The following KIF25 variants were observed in gnomAD, a reference collection of about 807,000 sequenced individuals.
KIF25 encodes the protein kinesin-like protein KIF25.
In KIF25, 19 loss-of-function variants were observed where a neutral mutation model predicts 32.9. That is an observed-to-expected ratio of 0.58 (90% confidence interval 0.40 to 0.85). The LOEUF (loss-of-function observed/expected upper bound fraction) is 0.85. Among genes scored for constraint, KIF25 ranks in the 40% least tolerant of loss-of-function variants. The probability of loss-of-function intolerance (pLI) is 0.00; values close to 1 mark genes in which losing one functional copy is unlikely to be tolerated. For synonymous variants in KIF25, 225 were observed against 213.7 expected, an observed-to-expected ratio of 1.05 and a Z score of -0.46; for missense variants, 485 against 507.0, an observed-to-expected ratio of 0.96 and a Z score of 0.42.
Position 168,027,934 on chromosome 6 carries a change from A to T in KIF25, c.-94-1558A>T, listed in dbSNP as rs1798886870. On this transcript the variant is annotated intron_variant, in intron 5 of 12. Coordinates refer to ENST00000643607, the MANE Select transcript of KIF25 (RefSeq NM_030615.4). ...GAACAGAAATATTTAAGCCGCCGCT[A>T]CTTTCTCAGTCTGTCGTTTGCTTCT... Among the ~76,000 whole-genome samples the T allele has an allele frequency of 2.0e-5, 3 of 152,096 alleles. No individual in the cohort carries two copies. The South Asian group carries it at 6.2e-4, about 32-fold the overall frequency.
intron 5 of KIF25, among the ~76,000 whole-genome samples, chr6:168,022,370 A>T (rs1798798196): frequency 6.6e-6 from 1 of 152,126 alleles, no homozygotes; most frequent in African/African-American, 2.4e-5. Context: ...TACCCTTTTA[A>T]AAATAGTCTT....
Position 168,044,982 on chromosome 6 carries a change from A to T in KIF25, c.1141A>T (p.Arg381Trp), listed in dbSNP as rs767932836. ...KPPSSQTEGK[R>W]RPD ...GCCCAGCTCCCAAACGGAGGGGAAG[A>T]GGAGGCCGGATTGAATGCATTAACA... is the stretch of plus-strand genomic sequence containing the variant. Residue 381 changes from arginine (R) to tryptophan (W), a missense_variant, in exon 13 of 13, where the codon AGG becomes TGG. Coordinates refer to ENST00000643607, the MANE Select transcript of KIF25 (RefSeq NM_030615.4). 6.3e-7 allele frequency: 1 copy of T among 1,597,254 alleles called. No individual in the cohort carries two copies. Among genetic ancestry groups the T allele is most frequent in the South Asian group, 1.1e-5 (1 of 88,972 alleles).
intron 4 of KIF25, among the ~76,000 whole-genome samples, chr6:168,014,001 A>ATATATG (rs1491568264): frequency 6.4e-5 from 4 of 62,850 alleles, no homozygotes; most frequent in Admixed American, 5.2e-4. Context: ...CACCATGCAA[A>ATATATG]TATATATATA....
chr6:168,040,013 A>T, intron 9 of KIF25, 52 bp from the exon 10 acceptor site: 1 of 1,554,456 alleles, frequency 6.4e-7, no homozygotes. Flanking sequence ...AAGTCGCCTT[A>T]GGTAAGGGGG....
At chr6:168,043,281 G>A (rs1004101186) in intron 12 of KIF25, among the ~76,000 whole-genome samples, 4 of 152,204 alleles carry the variant, frequency 2.6e-5, no homozygotes, top group African/African-American at 9.6e-5. Flanking sequence ...GAGGACCCGA[G>A]GAAGCATTGC....
intron 9 of KIF25, 145 bp from the exon 10 acceptor site, chr6:168,039,920 T>C: frequency 3.9e-6 from 4 of 1,020,732 alleles, no homozygotes; most frequent in Non-Finnish European, 5.5e-6. Flanking sequence ...TTTACCATGA[T>C]TTATTGTGCC....
intron 5 of KIF25, among the ~76,000 whole-genome samples, chr6:168,023,728 T>C (rs186040454): frequency 1.3e-5 from 2 of 152,348 alleles, no homozygotes; most frequent in African/African-American, 4.8e-5. Flanking sequence ...CCCTTCAACG[T>C]CAGCAGCATA....
intron 8 of KIF25, among the ~76,000 whole-genome samples, chr6:168,037,395 T>TCCCG (rs1294242730): frequency 6.6e-6 from 1 of 152,170 alleles, no homozygotes; most frequent in African/African-American, 2.4e-5. Context: ...ACTGAGGACT[T>TCCCG]CCCGCCCGGT....
intron 5 of KIF25, among the ~76,000 whole-genome samples, chr6:168,019,009 G>A (rs1418989005): frequency 7.2e-5 from 11 of 152,224 alleles, no homozygotes; most frequent in East Asian, 1.9e-4. Context: ...GAGTGCTCCC[G>A]CCGGGGCAGA....
At chr6:168,008,383 A>C (rs1562381005) in intron 4 of KIF25, among the ~76,000 whole-genome samples, 2 of 152,144 alleles carry the variant, frequency 1.3e-5, no homozygotes, top group Non-Finnish European at 2.9e-5. Flanking sequence ...TCAGTTGACT[A>C]TAGATATGTT....
chr6:168,044,040 CA>C (rs1334901662), intron 12 of KIF25, among the ~76,000 whole-genome samples: 2 of 152,220 alleles, frequency 1.3e-5, no homozygotes, highest in Non-Finnish European at 2.9e-5. Flanking sequence ...CCCTCAGGGT[CA>C]TGTGCAGACT....
intron 5 of KIF25, among the ~76,000 whole-genome samples, chr6:168,021,175 A>G (rs1017218734): frequency 6.6e-6 from 1 of 152,250 alleles, no homozygotes; most frequent in Non-Finnish European, 1.5e-5. Context: ...AGATGCAGGC[A>G]GCTGACTTTA....
At chr6:168,039,959 C>A in intron 9 of KIF25, 106 bp from the exon 10 acceptor site, 1 of 1,366,684 alleles carries the variant, frequency 7.3e-7, no homozygotes, top group Non-Finnish European at 9.8e-7. Context: ...CCCACTGGCA[C>A]GCGTGGCTCA....
At chr6:168,040,017 A>G (rs1158839194) in intron 9 of KIF25, 48 bp from the exon 10 acceptor site, 1 of 1,562,576 alleles carries the variant, frequency 6.4e-7, no homozygotes, top group Admixed American at 1.8e-5. Context: ...CGCCTTAGGT[A>G]AGGGGGGCCG....
At chr6:168,019,575 T>C (rs182301009) in intron 5 of KIF25, among the ~76,000 whole-genome samples, 3 of 152,260 alleles carry the variant, frequency 2.0e-5, no homozygotes, top group South Asian at 2.1e-4. Context: ...GGAGACTCCA[T>C]AGCGAGTGGA....
intron 4 of KIF25, among the ~76,000 whole-genome samples, chr6:168,017,306 C>A (rs3807061): frequency 0.37 from 56,204 of 152,018 alleles, 10,643 homozygotes; most frequent in South Asian, 0.43. Flanking sequence ...TTCGCCACTG[C>A]AGTTGTGGTT....
chr6:168,042,120 G>C lies in KIF25; in HGVS notation c.798G>C (p.Gln266His). 6.4e-7 allele frequency: 1 copy of C among 1,550,908 alleles called. No homozygotes were observed. Among genetic ancestry groups the C allele is most frequent in the Non-Finnish European group, 8.7e-7 (1 of 1,147,548 alleles). Residue 266 changes from glutamine to histidine, a missense_variant, in exon 11 of 13, where the codon CAG (glutamine) becomes CAC (histidine). Gln to His is a conservative substitution (Grantham distance 24, BLOSUM62 0). Transcript: ENST00000643607. Reference protein sequence around the residue: ...GHAEQVQARLQLVDSAGSECV... With the variant: ...GHAEQVQARLHLVDSAGSECV... ...CGGAGCAGGTGCAGGCTCGACTACAGCTCGTGGACTCGGCCGGCAGCGAGT... is the reference window on the plus strand; with the variant it reads ...CGGAGCAGGTGCAGGCTCGACTACACCTCGTGGACTCGGCCGGCAGCGAGT...
rs571281384 is a variant in KIF25 at position 168,040,979 on chromosome 6, T to A, written c.646+763T>A. Among the ~76,000 whole-genome samples the A allele has an allele frequency of 3.3e-5, 5 of 152,232 alleles. No homozygotes were observed. In the South Asian group the frequency reaches 8.3e-4, roughly 25 times the overall value. On this transcript the variant is annotated intron_variant, in intron 10 of 12. Transcript: ENST00000643607. ...ATTCCCTGCAGCAGGTGGTGGGAACTAATAGCAGACACCACCCATGCTCAG... is the reference window on the plus strand; with the variant it reads ...ATTCCCTGCAGCAGGTGGTGGGAACAAATAGCAGACACCACCCATGCTCAG...
intron 7 of KIF25, among the ~76,000 whole-genome samples, chr6:168,032,638 T>C (rs1299111520): frequency 6.6e-6 from 1 of 152,226 alleles, no homozygotes; most frequent in Non-Finnish European, 1.5e-5. Context: ...TCCTGTCCTT[T>C]TCTAGGGGAG....
Sources: gnomAD v4.1 joint callset for allele counts (sites outside exome capture counted in the v4.1 genomes callset) on GRCh38, gnomAD v4.1.1 for gene constraint, MANE v1.5 for transcripts, NCBI Gene and HGNC (gene_info 2026-07-23, HGNC 2026-07-21) for gene names.